Variants in OBP2B observed in about 807,000 individuals in gnomAD.
The protein encoded by OBP2B is odorant-binding protein 2b.
A neutral mutation model predicts 21.7 loss-of-function variants in OBP2B; 10 were observed. The observed-to-expected ratio is 0.46, with a 90% CI of 0.28 to 0.78. The LOEUF (loss-of-function observed/expected upper bound fraction) is 0.78. Ranked by LOEUF, OBP2B falls within the 30% of genes least tolerant of loss-of-function variation. The probability of loss-of-function intolerance (pLI) is 0.11; values close to 1 mark genes in which losing one functional copy is unlikely to be tolerated. For missense variants in OBP2B, 153 were observed against 217.7 expected, an observed-to-expected ratio of 0.70 and a Z score of 1.87; for synonymous variants, 73 against 91.5, an observed-to-expected ratio of 0.80 and a Z score of 1.16.
chr9:133,210,587 G>T (rs1195427338), upstream of OBP2B, among the ~76,000 whole-genome samples: 1 of 151,902 alleles, frequency 6.6e-6, no homozygotes, highest in Non-Finnish European at 1.5e-5. Flanking sequence ...CAGGCACCTC[G>T]TATTTCATTG....
chr9:133,205,784 G>T, intron 6 of OBP2B, 133 bp downstream of exon 6: 2 of 1,389,508 alleles, frequency 1.4e-6, no homozygotes, highest in Non-Finnish European at 1.0e-6. Context: ...ACTCTGAGGT[G>T]CCAACCTCGT....
the OBP2B span, among the ~76,000 whole-genome samples, chr9:133,222,141 G>A: frequency 4.6e-5 from 7 of 152,130 alleles, no homozygotes; most frequent in South Asian, 8.3e-4. Flanking sequence ...GTGTCAGTGC[G>A]TATGTACTGA....
At chr9:133,206,460 A>G (rs1191815469) in intron 4 of OBP2B, 44 bp from the exon 5 acceptor site, 6 of 1,608,194 alleles carry the variant, frequency 3.7e-6, no homozygotes, top group Non-Finnish European at 2.6e-6. Flanking sequence ...GGACAGCGGC[A>G]CGGCCCTGCA....
upstream of OBP2B, among the ~76,000 whole-genome samples, chr9:133,211,515 G>A (rs1339834989): frequency 1.3e-5 from 2 of 152,174 alleles, no homozygotes; most frequent in Admixed American, 1.3e-4. Context: ...TTTCTTCTGT[G>A]CTTCCCCTGA....
upstream of OBP2B, among the ~76,000 whole-genome samples, chr9:133,212,226 C>T (rs551306603): frequency 6.6e-6 from 1 of 152,280 alleles, no homozygotes; most frequent in African/African-American, 2.4e-5. Flanking sequence ...ATTTAAAAAG[C>T]CACAATTATA....
At chr9:133,207,135 C>T in intron 4 of OBP2B, 91 bp downstream of exon 4, 1 of 920,654 alleles carries the variant, frequency 1.1e-6, no homozygotes, top group Non-Finnish European at 1.8e-6. Context: ...CTTCCTTTTC[C>T]CCCATGCCAG....
chr9:133,209,888 C>G (rs1833877372), upstream of OBP2B, among the ~76,000 whole-genome samples: 3 of 152,238 alleles, frequency 2.0e-5, no homozygotes, highest in African/African-American at 7.2e-5. The surrounding 1 kb of genome is among the most constrained non-coding windows in gnomAD (Gnocchi z 6.0). Context: ...GACCCCGCTT[C>G]ACTCCGTACC....
At chr9:133,222,088 A>C in the OBP2B span, among the ~76,000 whole-genome samples, 2 of 151,766 alleles carry the variant, frequency 1.3e-5, no homozygotes, top group East Asian at 1.9e-4. Flanking sequence ...ACCGCGCTCC[A>C]ATGTGGACCC....
intron 1 of OBP2B, among the ~76,000 whole-genome samples, chr9:133,208,883 G>A (rs1166784351): frequency 1.3e-5 from 2 of 152,026 alleles, no homozygotes; most frequent in African/African-American, 4.8e-5. Context: ...GCCCAACCCT[G>A]CGAGACCTTC....
chr9:133,216,321 A>G, the OBP2B span, among the ~76,000 whole-genome samples: 2,640 of 151,296 alleles, frequency 0.017, 35 homozygotes, highest in Middle Eastern at 0.034. Context: ...AAACACATGA[A>G]AAGATGCTCA....
chr9:133,211,477 C>T (rs566366194), upstream of OBP2B, among the ~76,000 whole-genome samples: 9 of 152,346 alleles, frequency 5.9e-5, no homozygotes, highest in South Asian at 8.3e-4. Flanking sequence ...GACGTATTCA[C>T]AGCTTCCCAC....
intron 3 of OBP2B, 58 bp from the exon 4 acceptor site, chr9:133,207,394 G>C: frequency 8.5e-7 from 1 of 1,177,642 alleles, no homozygotes. Flanking sequence ...GCCACATGAA[G>C]AAACACTCGG....
the OBP2B span, among the ~76,000 whole-genome samples, chr9:133,221,206 C>T: frequency 6.6e-6 from 1 of 152,154 alleles, no homozygotes; most frequent in Non-Finnish European, 1.5e-5. Flanking sequence ...ATTCCCAGTC[C>T]CAGCCTCACA....
At chr9:133,210,168 A>C (rs1203308191), upstream of OBP2B, among the ~76,000 whole-genome samples, 1 of 151,956 alleles carries the variant, frequency 6.6e-6, no homozygotes, top group African/African-American at 2.4e-5. Flanking sequence ...CCTCATCCCC[A>C]GCCAACCTGA....
upstream of OBP2B, among the ~76,000 whole-genome samples, chr9:133,213,149 A>G (rs1833936007): frequency 6.6e-6 from 1 of 152,068 alleles, no homozygotes; most frequent in African/African-American, 2.4e-5. Context: ...CTGAAGCAGG[A>G]GAATTACTTC....
At chr9:133,210,747 G>C (rs1227015012), upstream of OBP2B, among the ~76,000 whole-genome samples, 3 of 152,164 alleles carry the variant, frequency 2.0e-5, no homozygotes, top group Non-Finnish European at 4.4e-5. Context: ...TGCTCTCCAG[G>C]AGTCTCCCAT....
intron 3 of OBP2B, chr9:133,207,851 C>A: frequency 2.0e-6 from 3 of 1,507,654 alleles, no homozygotes; most frequent in Non-Finnish European, 2.7e-6. Flanking sequence ...TAATCCTTGG[C>A]CTCCTTGTCC....
intron 3 of OBP2B, chr9:133,207,822 C>T (rs1174804766): frequency 6.9e-6 from 10 of 1,446,706 alleles, no homozygotes; most frequent in Non-Finnish European, 9.2e-6. Flanking sequence ...CCATCCCTAA[C>T]CCTCAGCCTC....
chr9:133,217,847 C>T, the OBP2B span, among the ~76,000 whole-genome samples: 2 of 152,240 alleles, frequency 1.3e-5, no homozygotes, highest in African/African-American at 2.4e-5. Context: ...AAAGGATCCC[C>T]ACCCCTGTTT....
Sources: allele counts gnomAD v4.1 joint callset (sites outside exome capture counted in the v4.1 genomes callset), GRCh38; gene constraint gnomAD v4.1.1; non-coding constraint Gnocchi (gnomAD v3.1); transcripts MANE v1.5; gene names NCBI Gene and HGNC (gene_info 2026-07-23, HGNC 2026-07-21).